FIRRM: variants seen among roughly 807,000 people sequenced by gnomAD.
The protein encoded by FIRRM is FIGNL1 interacting regulator of recombination and mitosis, also known as FIGNL1-interacting regulator of recombination and mitosis.
At chr1:169,838,309 T>C in the FIRRM span, among the ~76,000 whole-genome samples, 1 of 152,174 alleles carries the variant, frequency 6.6e-6, no homozygotes, top group Non-Finnish European at 1.5e-5. Context: ...AAGAATGGGT[T>C]AAATGTGTCC....
chr1:169,794,051 T>G, the FIRRM span, among the ~76,000 whole-genome samples: 28 of 149,002 alleles, frequency 1.9e-4, no homozygotes, highest in Non-Finnish European at 3.7e-4. Context: ...GAGAGAGAGA[T>G]AAGAGATTTG....
the FIRRM span, among the ~76,000 whole-genome samples, chr1:169,811,432 T>C: frequency 6.6e-6 from 1 of 152,154 alleles, no homozygotes; most frequent in African/African-American, 2.4e-5. Flanking sequence ...GGCAGAAGGA[T>C]TGCTTGAGCC....
the FIRRM span, chr1:169,799,087 T>A: frequency 7.9e-6 from 3 of 382,078 alleles, no homozygotes; most frequent in Non-Finnish European, 1.4e-5. Context: ...GTTACAGCCT[T>A]TATAACCTTC....
chr1:169,835,875 C>T, the FIRRM span, among the ~76,000 whole-genome samples: 1 of 152,082 alleles, frequency 6.6e-6, no homozygotes, highest in Non-Finnish European at 1.5e-5. Context: ...ATGAATAAAG[C>T]TGCTTTTTGT....
At chr1:169,836,662 TAATG>T in the FIRRM span, among the ~76,000 whole-genome samples, 1 of 152,240 alleles carries the variant, frequency 6.6e-6, no homozygotes, top group South Asian at 2.1e-4. Context: ...ACATAACTAA[TAATG>T]AAATACATTA....
the FIRRM span, among the ~76,000 whole-genome samples, chr1:169,799,341 T>G: frequency 2.0e-5 from 3 of 152,224 alleles, no homozygotes; most frequent in Non-Finnish European, 2.9e-5. Flanking sequence ...GCTGATTGTC[T>G]AGGTGATAAC....
the FIRRM span, chr1:169,827,107 T>C: frequency 1.2e-6 from 2 of 1,613,760 alleles, no homozygotes; most frequent in Non-Finnish European, 1.7e-6. Flanking sequence ...CAAGAGGAAA[T>C]AGCAGGTGCT....
At chr1:169,818,421 A>G in the FIRRM span, among the ~76,000 whole-genome samples, 2 of 152,224 alleles carry the variant, frequency 1.3e-5, no homozygotes, top group African/African-American at 2.4e-5. Flanking sequence ...TAGCAAACCT[A>G]ATATCTAACC....
the FIRRM span, among the ~76,000 whole-genome samples, chr1:169,819,444 G>A: frequency 3.3e-5 from 5 of 152,190 alleles, no homozygotes. Flanking sequence ...AGTAATTTAT[G>A]ATACCTCCAA....
the FIRRM span, chr1:169,823,433 C>A: frequency 6.2e-7 from 1 of 1,602,412 alleles, no homozygotes; most frequent in South Asian, 1.1e-5. Flanking sequence ...CTCTCTGATT[C>A]TTGCTGTACT....
At chr1:169,801,240 C>T in the FIRRM span, among the ~76,000 whole-genome samples, 5 of 151,810 alleles carry the variant, frequency 3.3e-5, no homozygotes, top group South Asian at 2.1e-4. Context: ...GTCAGGAGTT[C>T]GAGACCACCC....
the FIRRM span, among the ~76,000 whole-genome samples, chr1:169,785,167 T>C: frequency 6.6e-6 from 1 of 152,192 alleles, no homozygotes; most frequent in East Asian, 1.9e-4. Context: ...GGTGGCTCTC[T>C]GCTGCGCCAC....
At chr1:169,795,903 T>C in the FIRRM span, 9 of 985,488 alleles carry the variant, frequency 9.1e-6, no homozygotes, top group Non-Finnish European at 1.1e-5. Flanking sequence ...CTTAGCGCCT[T>C]CTTCGTCCGG....
the FIRRM span, chr1:169,832,633 C>A: frequency 1.5e-6 from 1 of 655,420 alleles, no homozygotes; most frequent in South Asian, 2.0e-5. Flanking sequence ...GACAGAGTCT[C>A]GCTCTGTCAC....
the FIRRM span, chr1:169,792,985 C>T: frequency 6.2e-7 from 1 of 1,613,882 alleles, no homozygotes; most frequent in African/African-American, 1.3e-5. Context: ...CTTCATCTTC[C>T]AAAGTGGAGT....
chr1:169,792,825 G>A, the FIRRM span: 1 of 1,613,832 alleles, frequency 6.2e-7, no homozygotes, highest in East Asian at 2.2e-5. Flanking sequence ...TCTGAGGTGA[G>A]AATGAGATCA....
chr1:169,823,381 A>G, the FIRRM span: 1 of 1,481,148 alleles, frequency 6.8e-7, no homozygotes, highest in Non-Finnish European at 9.3e-7. Context: ...TTTTATGCAA[A>G]GAATGAATAG....
the FIRRM span, among the ~76,000 whole-genome samples, chr1:169,814,294 A>C: frequency 2.0e-5 from 3 of 152,384 alleles, 1 homozygote; most frequent in South Asian, 4.1e-4. Context: ...AGAGAAATGT[A>C]AACAAAGGTA....
At chr1:169,804,417 C>T in the FIRRM span, 53 of 402,150 alleles carry the variant, frequency 1.3e-4, no homozygotes, top group Non-Finnish European at 2.0e-4. Flanking sequence ...TTTTGGGTAC[C>T]TTAACCTAGA....
Sources: gnomAD v4.1 joint callset for allele counts (sites outside exome capture counted in the v4.1 genomes callset) on GRCh38, gnomAD v4.1.1 for gene constraint, MANE v1.5 for transcripts, NCBI Gene and HGNC (gene_info 2026-07-23, HGNC 2026-07-21) for gene names.